CCDC197: variants seen among roughly 807,000 people sequenced by gnomAD.
The protein encoded by CCDC197 is uncharacterized protein CCDC197.
CCDC197 carries 24 observed loss-of-function variants against 13.4 expected under a neutral mutation model. The ratio of observed to expected loss-of-function variants is 1.80; its 90% confidence interval spans 1.30 to 2.53. The LOEUF is 2.53. CCDC197 is among the 30% of genes most tolerant of loss of function. The probability of loss-of-function intolerance (pLI) is 0.00; values close to 1 mark genes in which losing one functional copy is unlikely to be tolerated. For missense variants in CCDC197, 255 were observed against 148.8 expected, an observed-to-expected ratio of 1.71 and a Z score of -3.71; for synonymous variants, 99 against 55.5, an observed-to-expected ratio of 1.78 and a Z score of -3.48.
chr14:93,999,301 T>G, intron 2 of CCDC197: 1 of 382,132 alleles, frequency 2.6e-6, no homozygotes, highest in Non-Finnish European at 4.7e-6. Flanking sequence ...CACTGAAGAC[T>G]CTGGCCAGAA....
intron 1 of CCDC197, 119 bp from the exon 2 acceptor site, chr14:93,997,880 A>T: frequency 3.9e-6 from 2 of 512,272 alleles, no homozygotes; most frequent in Admixed American, 6.6e-5. Flanking sequence ...AGAGCTGGGG[A>T]TGCAGCCCGA....
At chr14:93,997,828 A>G (rs1382962090) in intron 1 of CCDC197, among the ~76,000 whole-genome samples, 171 bp from the exon 2 acceptor site, 1 of 152,228 alleles carries the variant, frequency 6.6e-6, no homozygotes, top group East Asian at 1.9e-4. Context: ...TAGGGCCGCA[A>G]GTGAAACAAG....
intron 1 of CCDC197, among the ~76,000 whole-genome samples, chr14:93,991,070 A>G (rs1008130001): frequency 6.6e-6 from 1 of 152,186 alleles, no homozygotes; most frequent in Non-Finnish European, 1.5e-5. Flanking sequence ...GACTCTATCA[A>G]CCTTCATGCC....
chr14:94,011,439 G>A (rs1458983830), downstream of CCDC197, among the ~76,000 whole-genome samples: 1 of 152,216 alleles, frequency 6.6e-6, no homozygotes, highest in South Asian at 2.1e-4. Flanking sequence ...GGGTACCTTG[G>A]GAGCTCCCAG....
intron 1 of CCDC197, among the ~76,000 whole-genome samples, chr14:93,991,536 G>A (rs1205570269): frequency 1.3e-5 from 2 of 152,182 alleles, no homozygotes; most frequent in African/African-American, 2.4e-5. Context: ...TACATCTATC[G>A]AGCGCCTGCT....
intron 4 of CCDC197, 41 bp downstream of exon 4, chr14:94,001,364 G>A (rs891709555): frequency 4.3e-6 from 3 of 699,936 alleles, no homozygotes; most frequent in Non-Finnish European, 7.9e-6. Flanking sequence ...CCGTGGCCCA[G>A]GGAGCTGGGG....
intron 2 of CCDC197, among the ~76,000 whole-genome samples, chr14:93,998,578 T>C (rs1890394090): frequency 6.6e-6 from 1 of 152,118 alleles, no homozygotes; most frequent in Non-Finnish European, 1.5e-5. Flanking sequence ...CCTTGACTCT[T>C]AGTGGTGACC....
intron 2 of CCDC197, 113 bp downstream of exon 2, chr14:93,998,348 G>C (rs895079159): frequency 4.4e-6 from 3 of 681,522 alleles, no homozygotes; most frequent in Non-Finnish European, 8.1e-6. Context: ...GGGTGGATGA[G>C]GAGGGCAGTG....
rs1056660154 is a variant in CCDC197, at chr14:94,005,074, C to T, written c.615+103C>T. 3.7e-5 allele frequency: 23 copies of T among 622,256 alleles called. No homozygotes were observed. In the Admixed American group the frequency reaches 4.9e-4, roughly 13 times the overall value. The allele number at this position is 622,256 out of a possible 1,614,324, so 38.5% of individuals were successfully genotyped here. A position where few individuals can be genotyped will look rare whatever the true frequency, so the allele number is the denominator to read the frequency against. On this transcript the variant is annotated intron_variant, in intron 6 of 6. Transcript: ENST00000636493. ...CCCAGGCTGCATTTGTGTTTAGCCC[C>T]CCATCAGCTCTTCTTTCCATAGCTA...
intron 4 of CCDC197, chr14:94,001,583 C>T (rs978730634): frequency 5.8e-6 from 2 of 347,504 alleles, no homozygotes; most frequent in Non-Finnish European, 1.0e-5. Flanking sequence ...GACTGGAGCT[C>T]GGCTCCCAGC....
At chr14:94,010,593 A>G (rs1278343103), downstream of CCDC197, among the ~76,000 whole-genome samples, 1 of 152,196 alleles carries the variant, frequency 6.6e-6, no homozygotes, top group Non-Finnish European at 1.5e-5. Context: ...AGGGCACCTC[A>G]GGTAGGGTTT....
chr14:94,008,783 C>A lies in CCDC197; in HGVS notation c.790C>A (p.His264Asn), dbSNP rs1265291761. 10 of 702,484 alleles carry A rather than the reference C, an allele frequency of 1.4e-5. No homozygotes were observed. Among genetic ancestry groups the A allele is most frequent in the Non-Finnish European group, 2.6e-5 (10 of 384,984 alleles). The allele number at this position is 702,484 out of a possible 1,614,324, so 43.5% of individuals were successfully genotyped here. The change falls in exon 7 of 7, where the codon CAT (histidine) becomes AAT (asparagine). Residue 264 changes from histidine to asparagine, a missense_variant. Transcript: ENST00000636493. ...CCCCAGGACCCCCTTTCCCAGCCCC[C>A]ATGCTTCAGAGTGCTCCGGCCTGTA... ...STPRTPFPSP[H>N]ASECSGLY is the part of the protein sequence containing the mutation.
rs1015744294 is a variant in CCDC197 at position 94,004,924 on chromosome 14, G to T, written c.568G>T (p.Gly190Cys). Residue 190 changes from glycine to cysteine, a missense_variant, in exon 6 of 7, where the codon GGC becomes TGC. Gly to Cys is a radical substitution (Grantham distance 159, BLOSUM62 -3). Transcript: ENST00000636493. ...MARQCCPSAHGVPKSMDLFSK... is the reference protein window; with the variant it reads ...MARQCCPSAHCVPKSMDLFSK... ...CCGGCAGTGCTGCCCCTCTGCCCAC[G>T]GCGTGCCCAAGAGCATGGATCTCTT... is the stretch of plus-strand genomic sequence containing the variant. The T allele has an allele frequency of 2.8e-6, 2 of 702,886 alleles. No individual in the cohort carries two copies. The highest frequency in any genetic ancestry group is 5.2e-6 in the Non-Finnish European group (2 of 384,946). The allele number at this position is 702,886 out of a possible 1,614,324, so 43.5% of individuals were successfully genotyped here.
intron 6 of CCDC197, among the ~76,000 whole-genome samples, chr14:94,006,442 G>A (rs1379795057): frequency 6.6e-6 from 1 of 151,244 alleles, no homozygotes; most frequent in Non-Finnish European, 1.5e-5. Flanking sequence ...TGCAACCTCT[G>A]CCTCCCGGGT....
At position 94,003,839 on chromosome 14, in the gene CCDC197, C is replaced by G. The variant is rs59594224; in HGVS notation, c.498+485C>G. Among the ~76,000 whole-genome samples, 1,506 of 152,306 alleles carry G rather than the reference C, an allele frequency of 9.9e-3. 29 individuals carry two copies. The highest frequency in any genetic ancestry group is 0.035 in the African/African-American group (1,436 of 41,562). On this transcript the variant is annotated intron_variant, in intron 5 of 6. Coordinates refer to ENST00000636493, the MANE Select transcript of CCDC197 (RefSeq NM_001351596.2). The surrounding 1 kb of genome is among the most constrained non-coding windows in gnomAD (Gnocchi z 5.0). ...AGGCCACAGATATTTCAGGACAGAG[C>G]TCTGCCAAGAACCAGAGCCGGGATC...
At chr14:94,010,906 C>G (rs1297866461), downstream of CCDC197, among the ~76,000 whole-genome samples, 1 of 152,208 alleles carries the variant, frequency 6.6e-6, no homozygotes, top group African/African-American at 2.4e-5. Flanking sequence ...CAGGTTTGAA[C>G]ACGCATCAGG....
upstream of CCDC197, among the ~76,000 whole-genome samples, chr14:93,994,501 G>A (rs1258572899): frequency 6.6e-6 from 1 of 152,202 alleles, no homozygotes; most frequent in Non-Finnish European, 1.5e-5. Context: ...AATCCCTGGT[G>A]CTTGTGACAG....
intron 2 of CCDC197, chr14:93,999,336 G>A: frequency 2.0e-6 from 1 of 490,464 alleles, no homozygotes; most frequent in Non-Finnish European, 3.6e-6. Flanking sequence ...TTCTCCCCCA[G>A]ATACCTTCTT....
At chr14:93,999,749 T>C in intron 3 of CCDC197, 84 bp downstream of exon 3, 1 of 753,338 alleles carries the variant, frequency 1.3e-6, no homozygotes, top group Non-Finnish European at 2.5e-6. Context: ...TGTGGCCTCA[T>C]GGAGCCACGA....
Sources: gnomAD v4.1 joint callset for allele counts (sites outside exome capture counted in the v4.1 genomes callset) on GRCh38, gnomAD v4.1.1 for gene constraint, Gnocchi (gnomAD v3.1) non-coding constraint, MANE v1.5 for transcripts, NCBI Gene and HGNC (gene_info 2026-07-23, HGNC 2026-07-21) for gene names.